The following ALMS1 variants were observed in gnomAD, a reference collection of about 807,000 sequenced individuals.
ALMS1 encodes ALMS1 centrosome and basal body associated protein, also known as centrosome-associated protein ALMS1.
A neutral mutation model predicts 352.2 loss-of-function variants in ALMS1; 271 were observed. The ratio of observed to expected loss-of-function variants is 0.77; its 90% CI spans 0.70 to 0.85. The LOEUF (loss-of-function observed/expected upper bound fraction) is 0.85. Among genes scored for constraint, ALMS1 ranks in the 40% least tolerant of loss-of-function variants. The pLI is 0.00. For synonymous variants in ALMS1, 1,865 were observed against 1,761.2 expected, an observed-to-expected ratio of 1.06 and a Z score of -1.48; for missense variants, 5,445 against 4,870.7, an observed-to-expected ratio of 1.12 and a Z score of -3.51.
intron 7 of ALMS1, among the ~76,000 whole-genome samples, chr2:73,440,663 G>C (rs541030658): frequency 6.6e-6 from 1 of 152,168 alleles, no homozygotes; most frequent in East Asian, 1.9e-4. Context: ...GACCTTAAGT[G>C]ATCCACCCAC....
intron 2 of ALMS1, 107 bp downstream of exon 2, chr2:73,408,854 G>GTT: frequency 4.8e-5 from 12 of 252,008 alleles, no homozygotes; most frequent in South Asian, 9.0e-5. Context: ...TTAATATTAT[G>GTT]TTTTCTTGTC....
chr2:73,601,292 A>G lies in ALMS1; in HGVS notation c.11970A>G (p.Pro3990=), dbSNP rs761484214. Residue 3990 remains proline, a synonymous_variant, in exon 19 of 23, where the codon CCA becomes CCG. Transcript: ENST00000613296. ...GCCCTGGCATCTCCTGGTTTGAACC[A>G]ATAACCAAGACCAGACCCTGGAGGG... The part of the protein sequence containing the change: ...TCGPGISWFE[P]ITKTRPWREP... 1 of 1,614,220 alleles carries G rather than the reference A, an allele frequency of 6.2e-7. No individual in the cohort carries two copies. The highest frequency in any genetic ancestry group is 8.5e-7 in the Non-Finnish European group (1 of 1,180,036).
intron 2 of ALMS1, among the ~76,000 whole-genome samples, chr2:73,409,375 A>G (rs1306546490): frequency 6.6e-6 from 1 of 152,000 alleles, no homozygotes; most frequent in East Asian, 1.9e-4. Flanking sequence ...GGCCTCCTAA[A>G]ACTATGAGAT....
rs975545647 is a variant in ALMS1, at chr2:73,474,186, G to T, written c.7675-15448G>T. Among the ~76,000 whole-genome samples, 131 of 151,684 alleles carry T rather than the reference G, an allele frequency of 8.6e-4. 2 individuals carry two copies. Among genetic ancestry groups the T allele is most frequent in the Non-Finnish European group, 1.2e-4 (8 of 67,928 alleles). On this transcript the variant is annotated intron_variant, in intron 9 of 22. Transcript: ENST00000613296. ...TTGAAGTCATAAAATACAAAACTATGAGCTTCTTACAAAGTTATTCCTGCC... is the reference window on the plus strand; with the variant it reads ...TTGAAGTCATAAAATACAAAACTATTAGCTTCTTACAAAGTTATTCCTGCC...
At chr2:73,488,712 T>TG (rs1470429811) in intron 9 of ALMS1, among the ~76,000 whole-genome samples, 1 of 152,188 alleles carries the variant, frequency 6.6e-6, no homozygotes, top group African/African-American at 2.4e-5. Flanking sequence ...CTCCATCACC[T>TG]GGGGAGATGC....
chr2:73,444,103 A>G (rs537857928), intron 7 of ALMS1, among the ~76,000 whole-genome samples: 3 of 152,058 alleles, frequency 2.0e-5, no homozygotes, highest in Non-Finnish European at 2.9e-5. Context: ...TTTGTTGGAT[A>G]TCTTCTCCCT....
chr2:73,580,988 A>G (rs1675165406), intron 16 of ALMS1, among the ~76,000 whole-genome samples: 1 of 152,212 alleles, frequency 6.6e-6, no homozygotes, highest in Admixed American at 6.5e-5. Flanking sequence ...TCTCTGCCTT[A>G]GCCTTGCTTC....
chr2:73,545,541 C>T (rs769253113), intron 12 of ALMS1, among the ~76,000 whole-genome samples: 2 of 152,108 alleles, frequency 1.3e-5, no homozygotes, highest in Non-Finnish European at 2.9e-5. Flanking sequence ...TACCAAAAAT[C>T]TTAATTGAAT....
At position 73,574,711 on chromosome 2, in the gene ALMS1, A is replaced by G. The variant is rs1179951547; in HGVS notation, c.11547+1287A>G. Among the ~76,000 whole-genome samples, 4 of 152,294 alleles carry G rather than the reference A, an allele frequency of 2.6e-5. No individual in the cohort carries two copies. The South Asian group carries it at 6.2e-4, about 24-fold the overall frequency. On this transcript the variant is annotated intron_variant, in intron 16 of 22. Coordinates refer to ENST00000613296, the MANE Select transcript of ALMS1 (RefSeq NM_001378454.1). ...TGGTACAGAGTAAGGCTTTTGTTCCATAGGGGAGATAGATAAATGGATCCA... is the reference window on the plus strand; with the variant it reads ...TGGTACAGAGTAAGGCTTTTGTTCCGTAGGGGAGATAGATAAATGGATCCA...
intron 7 of ALMS1, among the ~76,000 whole-genome samples, chr2:73,440,468 C>T (rs137895300): frequency 6.6e-6 from 1 of 152,130 alleles, no homozygotes; most frequent in Non-Finnish European, 1.5e-5. Context: ...CTCTCTCTCT[C>T]TCTTGCTGTC....
At chr2:73,432,372 G>T in intron 7 of ALMS1, 81 bp downstream of exon 7, 2 of 993,112 alleles carry the variant, frequency 2.0e-6, no homozygotes, top group South Asian at 2.8e-5. Flanking sequence ...ATCTAATTTT[G>T]TATTTTTTAA....
chr2:73,590,045 T>G (rs954978206), intron 16 of ALMS1, among the ~76,000 whole-genome samples: 1 of 144,556 alleles, frequency 6.9e-6, no homozygotes, highest in South Asian at 2.2e-4. Flanking sequence ...AAGATAGGTG[T>G]TTTTTTTTTT....
At chr2:73,393,195 A>G (rs1679131909) in intron 1 of ALMS1, among the ~76,000 whole-genome samples, 2 of 152,190 alleles carry the variant, frequency 1.3e-5, no homozygotes, top group South Asian at 4.1e-4. Flanking sequence ...TTACATATAT[A>G]ATCCCTTATC....
chr2:73,410,678 C>T (rs539453382), intron 2 of ALMS1, among the ~76,000 whole-genome samples: 1 of 152,118 alleles, frequency 6.6e-6, no homozygotes, highest in South Asian at 2.1e-4. Context: ...TGTCAGTGAC[C>T]CTCAGGGATT....
chr2:73,595,718 C>T (rs760537089), intron 16 of ALMS1, among the ~76,000 whole-genome samples: 41 of 152,164 alleles, frequency 2.7e-4, no homozygotes, highest in Non-Finnish European at 4.6e-4. Flanking sequence ...TAAGTGTTTT[C>T]CAGAGTGGCT....
intron 12 of ALMS1, among the ~76,000 whole-genome samples, chr2:73,543,408 A>T (rs1674237607): frequency 2.6e-5 from 4 of 152,344 alleles, no homozygotes; most frequent in South Asian, 4.1e-4. Flanking sequence ...AAAACCATAA[A>T]AACCCTAGAA....
intron 8 of ALMS1, 88 bp from the exon 9 acceptor site, chr2:73,455,074 T>A (rs761998987): frequency 3.2e-5 from 46 of 1,432,220 alleles, no homozygotes; most frequent in Non-Finnish European, 4.4e-5. Context: ...GGTATTAAAT[T>A]GCATATATTG....
intron 9 of ALMS1, among the ~76,000 whole-genome samples, chr2:73,472,361 T>C (rs1010255505): frequency 6.6e-6 from 1 of 152,106 alleles, no homozygotes; most frequent in African/African-American, 2.4e-5. Flanking sequence ...TAATTAAAAA[T>C]ATTTCTTTAG....
Position 73,490,620 on chromosome 2 carries a change from C to A in ALMS1, c.8661C>A (p.Leu2887=). The A allele has an allele frequency of 6.2e-7, 1 of 1,614,184 alleles. No individual in the cohort carries two copies. The highest frequency in any genetic ancestry group is 8.5e-7 in the Non-Finnish European group (1 of 1,180,026). Residue 2887 remains leucine, a synonymous_variant, in exon 10 of 23, where the codon CTC becomes CTA. Coordinates refer to ENST00000613296, the MANE Select transcript of ALMS1 (RefSeq NM_001378454.1). ...PSCIFLEQRE[L]FEQSKAPRAD... is the part of the protein sequence containing the mutation. ...GCATTTTTCTTGAACAACGAGAGCT[C>A]TTTGAACAAAGCAAAGCCCCACGTG...
Sources: allele counts gnomAD v4.1 joint callset (sites outside exome capture counted in the v4.1 genomes callset), GRCh38; gene constraint gnomAD v4.1.1; transcripts MANE v1.5; gene names NCBI Gene and HGNC (gene_info 2026-07-23, HGNC 2026-07-21).